The following ERC2 variants were observed in gnomAD, a reference collection of about 807,000 sequenced individuals.
ERC2 encodes ERC protein 2.
ERC2 carries 42 observed loss-of-function variants against 114.8 expected under a neutral mutation model. That is an observed-to-expected ratio of 0.37 (90% CI 0.29 to 0.47). The LOEUF (loss-of-function observed/expected upper bound fraction) is 0.47, where lower values mean the gene tolerates loss of function less well. ERC2 is among the 20% of genes least tolerant of loss of function. The pLI is 0.99. For synonymous variants in ERC2, 454 were observed against 425.5 expected (o/e 1.07, Z -0.82); for missense variants, 939 against 1,150.7 (o/e 0.82, Z 2.66).
chr3:55,627,006 A>G (rs2059545982), intron 17 of ERC2, among the ~76,000 whole-genome samples: 1 of 152,244 alleles, frequency 6.6e-6, no homozygotes, highest in Non-Finnish European at 1.5e-5. Flanking sequence ...TGCTATTGCT[A>G]TTAATGTAAA....
intron 14 of ERC2, among the ~76,000 whole-genome samples, chr3:55,796,909 A>C: frequency 6.6e-6 from 1 of 152,238 alleles, no homozygotes; most frequent in Non-Finnish European, 1.5e-5. Flanking sequence ...AACAACAACC[A>C]AAAGGGGAAA....
At position 56,398,301 on chromosome 3, in the gene ERC2, TATTTC is replaced by T. The variant is rs2060388379; in HGVS notation, c.657+36045_657+36049del. On this transcript the variant is annotated intron_variant, in intron 2 of 17. Coordinates refer to ENST00000288221, the MANE Select transcript of ERC2 (RefSeq NM_015576.3). ...GCAGCTTTAGAAAACCTATTCCAATTATTTCATTTTACAAATGAGGTTTAAGACCG... is the reference window on the plus strand; with the variant it reads ...GCAGCTTTAGAAAACCTATTCCAATTATTTTACAAATGAGGTTTAAGACCG... Among the ~76,000 whole-genome samples the T allele has an allele frequency of 2.6e-5, 4 of 152,174 alleles. No homozygotes were observed. In the South Asian group the frequency reaches 8.3e-4, roughly 32 times the overall value.
At chr3:55,879,464 C>A (rs2063021734) in intron 14 of ERC2, among the ~76,000 whole-genome samples, 2 of 152,160 alleles carry the variant, frequency 1.3e-5, no homozygotes, top group South Asian at 2.1e-4. Flanking sequence ...TCTTCTTGGA[C>A]TTCTCTGGAC....
At chr3:55,689,143 A>T (rs374849061) in intron 16 of ERC2, among the ~76,000 whole-genome samples, 2 of 152,202 alleles carry the variant, frequency 1.3e-5, no homozygotes, top group South Asian at 4.1e-4. Context: ...TCACTAGGAC[A>T]CGCTGAGGCA....
chr3:56,087,179 T>TTGTGTGTGTGTGTG (rs59471652), intron 6 of ERC2, among the ~76,000 whole-genome samples: 13 of 147,374 alleles, frequency 8.8e-5, no homozygotes, highest in African/African-American at 3.0e-4. Flanking sequence ...TTTGATCCAT[T>TTGTGTGTGTGTGTG]TGTGTGTGTG....
chr3:55,774,870 G>A (rs971419155), intron 14 of ERC2, among the ~76,000 whole-genome samples: 2 of 152,120 alleles, frequency 1.3e-5, no homozygotes, highest in African/African-American at 4.8e-5. Flanking sequence ...TAAGAGAATG[G>A]CACGTTTTAC....
intron 3 of ERC2, among the ~76,000 whole-genome samples, chr3:56,281,450 A>AAAAAG (rs2054342821): frequency 6.7e-6 from 1 of 149,470 alleles, no homozygotes; most frequent in African/African-American, 2.4e-5. Flanking sequence ...AAAAAAAAAA[A>AAAAAG]AAAAAAAAAA....
chr3:56,333,796 A>T (rs2057736729), intron 2 of ERC2, among the ~76,000 whole-genome samples: 1 of 152,314 alleles, frequency 6.6e-6, no homozygotes, highest in East Asian at 1.9e-4. Flanking sequence ...TATCTATAAT[A>T]GTCAAATCAT....
chr3:55,890,149 T>C (rs2063536081), intron 13 of ERC2, among the ~76,000 whole-genome samples: 1 of 152,218 alleles, frequency 6.6e-6, no homozygotes, highest in Non-Finnish European at 1.5e-5. Flanking sequence ...TAATAAACTT[T>C]TCAGTTTCTC....
intron 3 of ERC2, among the ~76,000 whole-genome samples, chr3:56,290,524 A>C (rs1267769970): frequency 6.6e-6 from 1 of 152,250 alleles, no homozygotes; most frequent in Admixed American, 6.5e-5. Flanking sequence ...TGTTGGTAGA[A>C]ATAGAATGTA....
chr3:56,067,501 C>A (rs2076536352), intron 7 of ERC2, among the ~76,000 whole-genome samples: 1 of 152,148 alleles, frequency 6.6e-6, no homozygotes, highest in Non-Finnish European at 1.5e-5. Flanking sequence ...CAAATAGAGA[C>A]AATTTTACTT....
intron 12 of ERC2, among the ~76,000 whole-genome samples, chr3:55,963,213 C>T (rs2068512991): frequency 6.6e-6 from 1 of 152,212 alleles, no homozygotes; most frequent in Non-Finnish European, 1.5e-5. Flanking sequence ...ACCCATTAAT[C>T]TCAAGGTGAT....
At chr3:56,402,429 T>C (rs970528650) in intron 2 of ERC2, among the ~76,000 whole-genome samples, 1 of 152,174 alleles carries the variant, frequency 6.6e-6, no homozygotes, top group Non-Finnish European at 1.5e-5. Flanking sequence ...TTTCATCTCT[T>C]CCCTGTTTCA....
At chr3:55,745,985 G>A (rs1011124650) in intron 14 of ERC2, among the ~76,000 whole-genome samples, 2 of 152,074 alleles carry the variant, frequency 1.3e-5, no homozygotes, top group African/African-American at 4.8e-5. Flanking sequence ...CTCAGTCTTT[G>A]CACAGAGCAG....
intron 11 of ERC2, among the ~76,000 whole-genome samples, chr3:55,989,064 C>T (rs1031353045): frequency 6.6e-6 from 1 of 152,334 alleles, no homozygotes; most frequent in Admixed American, 6.5e-5. Flanking sequence ...GAAGCTCAGA[C>T]ATTTCCCAGA....
At chr3:55,863,743 T>C (rs2062126620) in intron 14 of ERC2, among the ~76,000 whole-genome samples, 1 of 152,158 alleles carries the variant, frequency 6.6e-6, no homozygotes, top group African/African-American at 2.4e-5. Flanking sequence ...TTAATATTAA[T>C]ATTTTTATTC....
chr3:56,220,025 A>C (rs535512161), intron 3 of ERC2, among the ~76,000 whole-genome samples: 1 of 152,208 alleles, frequency 6.6e-6, no homozygotes, highest in African/African-American at 2.4e-5. Flanking sequence ...AATAGTTATC[A>C]TTATCATAAA....
chr3:55,556,764 T>A (rs1183716942), intron 17 of ERC2, among the ~76,000 whole-genome samples: 1 of 152,224 alleles, frequency 6.6e-6, no homozygotes. Flanking sequence ...CCACCATGCA[T>A]GAAGGCGGGT....
At chr3:55,736,114 A>T (rs1484336451) in intron 14 of ERC2, among the ~76,000 whole-genome samples, 1 of 152,210 alleles carries the variant, frequency 6.6e-6, no homozygotes, top group African/African-American at 2.4e-5. Context: ...TTACTCATTG[A>T]TCTCTCTGGT....
Sources: gnomAD v4.1 joint callset for allele counts (sites outside exome capture counted in the v4.1 genomes callset) on GRCh38, gnomAD v4.1.1 for gene constraint, MANE v1.5 for transcripts, NCBI Gene and HGNC (gene_info 2026-07-23, HGNC 2026-07-21) for gene names.